Variants in ADAMTS14 observed in about 807,000 individuals in gnomAD.
ADAMTS14 encodes the protein ADAM metallopeptidase with thrombospondin type 1 motif 14, also known as A disintegrin and metalloproteinase with thrombospondin motifs 14.
In ADAMTS14, 100 loss-of-function variants were observed where a neutral mutation model predicts 128.6. The ratio of observed to expected loss-of-function variants is 0.78; its 90% CI spans 0.66 to 0.92. The LOEUF (loss-of-function observed/expected upper bound fraction) is 0.92. ADAMTS14 is among the 40% of genes least tolerant of loss of function. The pLI, the probability that ADAMTS14 is intolerant of heterozygous loss-of-function variation, is 0.00. For missense variants in ADAMTS14, 1,562 were observed against 1,658.6 expected (o/e 0.94, Z 1.01); for synonymous variants, 665 against 653.8 (o/e 1.02, Z -0.26).
In ADAMTS14 at chr10:70,674,410, G is replaced by C; in HGVS notation, c.83-146G>C. Reference sequence around the variant, plus strand: ...GAATCCTGGAGCTCAGGAAGCAATGGATGGAAAATGGGTGAACTCAGGCTA... The same window carrying C: ...GAATCCTGGAGCTCAGGAAGCAATGCATGGAAAATGGGTGAACTCAGGCTA... On this transcript the variant is annotated intron_variant, in intron 1 of 21. Transcript: ENST00000373207. 2 of 756,598 alleles carry C rather than the reference G, an allele frequency of 2.6e-6. 1 individual carries two copies. Among genetic ancestry groups the C allele is most frequent in the Non-Finnish European group, 4.3e-6 (2 of 469,554 alleles). The allele number at this position is 756,598 out of a possible 1,614,324, so 46.9% of individuals were successfully genotyped here.
At chr10:70,729,169 A>T in intron 4 of ADAMTS14, 125 bp from the exon 5 acceptor site, 1 of 787,770 alleles carries the variant, frequency 1.3e-6, no homozygotes, top group African/African-American at 1.7e-5. Flanking sequence ...GTAAAGTAGG[A>T]TAAGTATCTT....
At chr10:70,723,369 T>G (rs1458753626) in intron 4 of ADAMTS14, among the ~76,000 whole-genome samples, 1 of 152,176 alleles carries the variant, frequency 6.6e-6, no homozygotes, top group African/African-American at 2.4e-5. Context: ...TAGAGAAATC[T>G]GAATAAAATG....
chr10:70,683,342 C>T (rs1839870342), intron 2 of ADAMTS14, among the ~76,000 whole-genome samples: 1 of 152,234 alleles, frequency 6.6e-6, no homozygotes, highest in Non-Finnish European at 1.5e-5. Context: ...GGGTACCTCT[C>T]GGCAATCTGT....
intron 6 of ADAMTS14, among the ~76,000 whole-genome samples, chr10:70,731,468 A>C (rs1314820033): frequency 6.6e-6 from 1 of 152,196 alleles, no homozygotes; most frequent in Non-Finnish European, 1.5e-5. Context: ...AGGCCTAGGC[A>C]GGGACATGCC....
chr10:70,752,316 C>A, intron 18 of ADAMTS14, 89 bp downstream of exon 18: 1 of 1,541,830 alleles, frequency 6.5e-7, no homozygotes, highest in South Asian at 1.2e-5. Context: ...CTCCCCTCAG[C>A]ACTGGGTTAT....
intron 2 of ADAMTS14, among the ~76,000 whole-genome samples, chr10:70,691,483 C>T (rs1317405806): frequency 2.3e-5 from 2 of 87,658 alleles, no homozygotes; most frequent in Non-Finnish European, 4.7e-5. Context: ...GAGTGAGACC[C>T]TGTTAAAAAA....
chr10:70,712,747 G>A (rs1205697977), intron 4 of ADAMTS14, among the ~76,000 whole-genome samples: 2 of 152,176 alleles, frequency 1.3e-5, no homozygotes, highest in African/African-American at 4.8e-5. Flanking sequence ...AAAGACACGC[G>A]GTGGCAGTGC....
At chr10:70,757,189 C>G (rs1564562641) in intron 19 of ADAMTS14, among the ~76,000 whole-genome samples, 1 of 152,156 alleles carries the variant, frequency 6.6e-6, no homozygotes, top group Non-Finnish European at 1.5e-5. Flanking sequence ...TCCACATTCC[C>G]TGTTTGTCAG....
intron 7 of ADAMTS14, among the ~76,000 whole-genome samples, chr10:70,733,204 T>C (rs987602821): frequency 6.6e-6 from 1 of 152,230 alleles, no homozygotes; most frequent in African/African-American, 2.4e-5. Flanking sequence ...GTCAAGCTTA[T>C]AGGCCTGTGT....
Position 70,691,794 on chromosome 10 carries a change from G to A in ADAMTS14, c.523-10518G>A, listed in dbSNP as rs116536376. On this transcript the variant is annotated intron_variant, in intron 2 of 21. Transcript: ENST00000373207. The stretch of plus-strand genomic sequence containing the variant: ...GGCCCTTGGTCATGAAGTAAGAGGC[G>A]TGCGGTAACCCAGCCAGCTGGACTC... 1.1e-3 allele frequency among the ~76,000 whole-genome samples: 172 copies of A among 152,228 alleles called. 2 individuals are homozygous for A. Among genetic ancestry groups the A allele is most frequent in the African/African-American group, 3.9e-3 (160 of 41,530 alleles).
At chr10:70,701,930 G>T (rs117457614) in intron 2 of ADAMTS14, among the ~76,000 whole-genome samples, 1 of 152,140 alleles carries the variant, frequency 6.6e-6, no homozygotes, top group African/African-American at 2.4e-5. Context: ...GATGTGCTTC[G>T]GGCTGGAGTG....
At chr10:70,697,736 C>T (rs1840372461) in intron 2 of ADAMTS14, among the ~76,000 whole-genome samples, 2 of 151,634 alleles carry the variant, frequency 1.3e-5, no homozygotes, top group South Asian at 2.1e-4. Context: ...CTAGTTGCCA[C>T]GTGACCATGT....
chr10:70,675,075 T>A, intron 2 of ADAMTS14, 80 bp downstream of exon 2: 1 of 1,520,536 alleles, frequency 6.6e-7, no homozygotes, highest in Non-Finnish European at 8.9e-7. Context: ...GCTATGGGCA[T>A]GTTTTGCAGT....
intron 2 of ADAMTS14, among the ~76,000 whole-genome samples, chr10:70,675,621 G>A (rs1589252681): frequency 6.6e-6 from 1 of 152,170 alleles, no homozygotes; most frequent in Non-Finnish European, 1.5e-5. Flanking sequence ...TGCTCTGTGT[G>A]TCCCTTTCCT....
chr10:70,682,818 C>T (rs533614580), intron 2 of ADAMTS14, among the ~76,000 whole-genome samples: 21 of 152,256 alleles, frequency 1.4e-4, no homozygotes, highest in Non-Finnish European at 2.4e-4. Context: ...TTAGTTTTCT[C>T]GGGGTGCACC....
chr10:70,732,068 G>C (rs965357243), intron 6 of ADAMTS14, among the ~76,000 whole-genome samples, 186 bp from the exon 7 acceptor site: 3 of 152,164 alleles, frequency 2.0e-5, no homozygotes, highest in Non-Finnish European at 4.4e-5. Flanking sequence ...TCAAGCCCTA[G>C]GATGTGAGGG....
chr10:70,741,107 C>A lies in ADAMTS14; in HGVS notation c.1869C>A (p.Ser623=), dbSNP rs10999500. The part of the protein sequence containing the change: ...FRAQQCAKRN[S]YYVHQNAKHS... The stretch of plus-strand genomic sequence containing the variant: ...CCCAGCAGTGTGCCAAGCGCAACTC[C>A]TACTATGTGCACCAGAATGCCAAGC... Residue 623 remains serine, a synonymous_variant, in exon 12 of 22, where the codon TCC becomes TCA. Coordinates refer to ENST00000373207, the MANE Select transcript of ADAMTS14 (RefSeq NM_080722.4). The A allele has an allele frequency of 9.5e-5, 154 of 1,613,814 alleles. No homozygotes were observed. The highest frequency in any genetic ancestry group is 1.6e-4 in the Middle Eastern group (1 of 6,062).
intron 4 of ADAMTS14, among the ~76,000 whole-genome samples, chr10:70,709,495 G>GTTTTTCTTTTTTT (rs1840772061): frequency 9.8e-6 from 1 of 101,840 alleles, no homozygotes. Flanking sequence ...AACATTTCCA[G>GTTTTTCTTTTTTT]TTTTTTTTTT....
At chr10:70,733,861 ACTC>A (rs1841731736) in intron 7 of ADAMTS14, 21 bp from the exon 8 acceptor site, 1 of 1,602,812 alleles carries the variant, frequency 6.2e-7, no homozygotes, top group Non-Finnish European at 8.5e-7. Context: ...ATGTATCAGG[ACTC>A]CTCTGTCTTC....
Sources: gnomAD v4.1 joint callset for allele counts (sites outside exome capture counted in the v4.1 genomes callset) on GRCh38, gnomAD v4.1.1 for gene constraint, MANE v1.5 for transcripts, NCBI Gene and HGNC (gene_info 2026-07-23, HGNC 2026-07-21) for gene names.